The following STK32B variants were observed in gnomAD, a reference collection of about 807,000 sequenced individuals.
The protein encoded by STK32B is serine/threonine-protein kinase 32B.
In STK32B, 43 loss-of-function variants were observed where a neutral mutation model predicts 52.6. The ratio of observed to expected loss-of-function variants is 0.82; its 90% CI spans 0.64 to 1.05. STK32B has a LOEUF of 1.05. STK32B is among the 50% of genes least tolerant of loss of function. The pLI is 0.00. For synonymous variants in STK32B, 238 were observed against 204.3 expected, an observed-to-expected ratio of 1.17 and a Z score of -1.41; for missense variants, 621 against 534.6, an observed-to-expected ratio of 1.16 and a Z score of -1.59.
chr4:5,352,613 G>T (rs867993164), intron 4 of STK32B, among the ~76,000 whole-genome samples: 184 of 121,224 alleles, frequency 1.5e-3, no homozygotes, highest in African/African-American at 5.4e-3. Context: ...AAAAGAGAAA[G>T]AAATAAAAAA....
At chr4:5,299,081 G>A (rs960669705) in intron 3 of STK32B, among the ~76,000 whole-genome samples, 3 of 151,912 alleles carry the variant, frequency 2.0e-5, no homozygotes, top group African/African-American at 7.3e-5. Flanking sequence ...CTTCCTGGGT[G>A]AGGCAACATC....
At chr4:5,374,779 C>CG (rs569937512) in intron 4 of STK32B, among the ~76,000 whole-genome samples, 105 of 136,226 alleles carry the variant, frequency 7.7e-4, no homozygotes, top group Middle Eastern at 4.0e-3. Flanking sequence ...TTGACGGGGG[C>CG]GGGGGGGGAA....
chr4:5,022,491 C>A, the STK32B span, among the ~76,000 whole-genome samples: 1 of 152,218 alleles, frequency 6.6e-6, no homozygotes. Context: ...CTGCATCCTC[C>A]CACCAGCTCT....
intron 3 of STK32B, among the ~76,000 whole-genome samples, chr4:5,296,025 A>C (rs1225689785): frequency 6.6e-6 from 1 of 152,048 alleles, no homozygotes; most frequent in Non-Finnish European, 1.5e-5. Flanking sequence ...TTATTTACCC[A>C]GTAGTCATTC....
intron 1 of STK32B, among the ~76,000 whole-genome samples, chr4:5,092,521 C>T (rs1355983108): frequency 4.2e-5 from 6 of 144,084 alleles, no homozygotes; most frequent in South Asian, 2.2e-4. Context: ...GGCGACAGAG[C>T]GAGACTCCGT....
intron 4 of STK32B, among the ~76,000 whole-genome samples, chr4:5,364,934 G>C (rs1221781309): frequency 6.6e-6 from 1 of 152,154 alleles, no homozygotes. Context: ...GGAGTGCAAT[G>C]GTGCAATCTC....
chr4:5,390,476 T>A (rs561362733), intron 4 of STK32B, among the ~76,000 whole-genome samples: 1 of 152,198 alleles, frequency 6.6e-6, no homozygotes, highest in African/African-American at 2.4e-5. Context: ...TCAGCCCTTA[T>A]GTAAGGTCTT....
chr4:5,356,230 C>T (rs961909324), intron 4 of STK32B, among the ~76,000 whole-genome samples: 1 of 152,182 alleles, frequency 6.6e-6, no homozygotes. Flanking sequence ...ACTCTGATTT[C>T]TACCTCCATC....
intron 11 of STK32B, among the ~76,000 whole-genome samples, chr4:5,492,603 C>T (rs1403948048): frequency 6.7e-6 from 1 of 149,462 alleles, no homozygotes; most frequent in Admixed American, 6.7e-5. Context: ...CCAGAACTTC[C>T]AACACTATGT....
intron 3 of STK32B, among the ~76,000 whole-genome samples, chr4:5,190,147 C>T (rs1308330867): frequency 6.6e-6 from 1 of 152,104 alleles, no homozygotes; most frequent in East Asian, 1.9e-4. Flanking sequence ...CTTTTGCTAG[C>T]CTGTACATTG....
intron 4 of STK32B, among the ~76,000 whole-genome samples, chr4:5,339,325 T>G (rs1314517278): frequency 1.3e-5 from 2 of 152,210 alleles, no homozygotes; most frequent in Admixed American, 1.3e-4. Flanking sequence ...CTTTTGTTTT[T>G]CTGGAGAACC....
chr4:5,028,281 G>A, the STK32B span, among the ~76,000 whole-genome samples: 9 of 152,224 alleles, frequency 5.9e-5, no homozygotes, highest in African/African-American at 1.7e-4. Context: ...GAGTAGCTGG[G>A]ACTACAGGGG....
rs535173601 is a variant in STK32B at position 5,124,396 on chromosome 4, C to T, written c.53-15509C>T. ...TGGACATTCCCTTCTTGGCCCCCAGCCCATTGCCTCCTGAGAGTCCCTCTC... is the reference window on the plus strand; with the variant it reads ...TGGACATTCCCTTCTTGGCCCCCAGTCCATTGCCTCCTGAGAGTCCCTCTC... On this transcript the variant is annotated intron_variant, in intron 1 of 11. Transcript: ENST00000282908. 2.0e-5 allele frequency among the ~76,000 whole-genome samples: 3 copies of T among 152,304 alleles called. No individual in the cohort carries two copies. The East Asian group carries it at 5.8e-4, about 29-fold the overall frequency.
intron 1 of STK32B, among the ~76,000 whole-genome samples, chr4:5,117,569 C>T (rs1474492242): frequency 6.6e-6 from 1 of 151,834 alleles, no homozygotes; most frequent in Non-Finnish European, 1.5e-5. Context: ...TTGTGGTTGG[C>T]CTTATTTTTA....
chr4:5,270,228 C>T (rs983502121), intron 3 of STK32B, among the ~76,000 whole-genome samples: 14 of 152,042 alleles, frequency 9.2e-5, no homozygotes, highest in African/African-American at 3.4e-4. Context: ...CAGGTGAGGT[C>T]CCACAATAGT....
intron 11 of STK32B, among the ~76,000 whole-genome samples, chr4:5,479,700 C>G (rs146290102): frequency 0.01 from 1,586 of 152,270 alleles, 22 homozygotes; most frequent in Non-Finnish European, 0.012. Context: ...GGGATTCTTG[C>G]AGGGTATGCA....
intron 2 of STK32B, among the ~76,000 whole-genome samples, chr4:5,164,114 T>C (rs964237784): frequency 6.6e-6 from 1 of 152,228 alleles, no homozygotes; most frequent in Non-Finnish European, 1.5e-5. Flanking sequence ...TTATAGATTG[T>C]GATAACTTCC....
intron 3 of STK32B, among the ~76,000 whole-genome samples, chr4:5,312,178 G>T (rs1432197062): frequency 6.6e-6 from 1 of 150,922 alleles, no homozygotes; most frequent in Non-Finnish European, 1.5e-5. Flanking sequence ...TCTACCTCAA[G>T]AAATCTTTGC....
At chr4:5,073,517 C>G (rs1202978112) in intron 1 of STK32B, among the ~76,000 whole-genome samples, 1 of 151,694 alleles carries the variant, frequency 6.6e-6, no homozygotes, top group Non-Finnish European at 1.5e-5. Context: ...CCAGGTTTTT[C>G]TTTAAGAAAA....
Sources: allele counts gnomAD v4.1 joint callset (sites outside exome capture counted in the v4.1 genomes callset), GRCh38; gene constraint gnomAD v4.1.1; transcripts MANE v1.5; gene names NCBI Gene and HGNC (gene_info 2026-07-23, HGNC 2026-07-21).